The following SYT16 variants were observed in gnomAD, a reference collection of about 807,000 sequenced individuals.
SYT16 encodes the protein synaptotagmin 16.
In SYT16, 42 loss-of-function variants were observed where a neutral mutation model predicts 61.4. The observed-to-expected ratio is 0.68, with a 90% CI of 0.53 to 0.89. The LOEUF (loss-of-function observed/expected upper bound fraction) is 0.89, where lower values mean the gene tolerates loss of function less well. Among genes scored for constraint, SYT16 ranks in the 40% least tolerant of loss-of-function variants. SYT16 has a pLI of 0.00. For synonymous variants in SYT16, 314 were observed against 302.3 expected (o/e 1.04, Z -0.40); for missense variants, 804 against 807.3 (o/e 1.00, Z 0.05).
intron 1 of SYT16, among the ~76,000 whole-genome samples, chr14:61,880,759 G>A (rs1490378130): frequency 6.6e-6 from 1 of 151,508 alleles, no homozygotes; most frequent in Non-Finnish European, 1.5e-5. Context: ...TTTTTTTGTT[G>A]TGGTACTGTT....
At chr14:62,027,149 A>C (rs2054132572) in intron 3 of SYT16, among the ~76,000 whole-genome samples, 1 of 152,194 alleles carries the variant, frequency 6.6e-6, no homozygotes, top group Non-Finnish European at 1.5e-5. Context: ...TTCATTAAAA[A>C]TAGGTGGGAA....
rs373194317 is a variant in SYT16, at chr14:62,081,112, G to A, written c.1272G>A (p.Glu424=). 91 of 1,613,824 alleles carry A rather than the reference G, an allele frequency of 5.6e-5. No individual in the cohort carries two copies. Among genetic ancestry groups the A allele is most frequent in the Non-Finnish European group, 7.4e-5 (87 of 1,179,866 alleles). ...AGAAGGTCACCTTTGCCAAGCTGGA[G>A]CCCAGAGATGTGGCTGCCTGTGCTG... ...FREKVTFAKL[E]PRDVAACAVR... is the part of the protein sequence containing the mutation. The change falls in exon 6 of 8, where the codon GAG becomes GAA. Residue 424 remains glutamate (E), a synonymous_variant. Transcript: ENST00000683842.
At position 61,813,169 on chromosome 14, in the gene SYT16, C is replaced by A. The variant is rs575017915; in HGVS notation, c.-325+359C>A. 4.6e-5 allele frequency among the ~76,000 whole-genome samples: 7 copies of A among 152,384 alleles called. No homozygotes were observed. In the South Asian group the frequency reaches 1.4e-3, roughly 32 times the overall value. ...CTGCGCGTTTTTGGCGCTGTGAGTT[C>A]AAGGTTCGCCTCGAGTTCTGGGTCG... On this transcript the variant is annotated intron_variant, in intron 1 of 7. Transcript: ENST00000683842.
At chr14:61,866,436 C>T (rs2047157505) in intron 1 of SYT16, among the ~76,000 whole-genome samples, 2 of 152,074 alleles carry the variant, frequency 1.3e-5, no homozygotes, top group Admixed American at 1.3e-4. Flanking sequence ...TACTTGATAT[C>T]ATCAATTTAT....
chr14:61,994,882 C>T (rs894354949), intron 2 of SYT16, among the ~76,000 whole-genome samples: 3 of 152,150 alleles, frequency 2.0e-5, no homozygotes, highest in Admixed American at 6.6e-5. Flanking sequence ...ATATCACATG[C>T]AGTGGCTGAG....
intron 3 of SYT16, among the ~76,000 whole-genome samples, chr14:62,027,962 T>C (rs745938543): frequency 6.6e-6 from 1 of 152,214 alleles, no homozygotes; most frequent in African/African-American, 2.4e-5. Flanking sequence ...TGGGATTTGA[T>C]TCCTTGGGAA....
chr14:61,821,647 G>A (rs1372571238), intron 1 of SYT16, among the ~76,000 whole-genome samples: 1 of 152,188 alleles, frequency 6.6e-6, no homozygotes, highest in Admixed American at 6.5e-5. Context: ...CTTCATCAAA[G>A]CCAGCAAGGG....
In SYT16 at chr14:62,108,679, A is replaced by T. The variant is rs374461279; in HGVS notation, c.*7972A>T. ...ATGCAGCTGCAAATTCAATTTTGTG[A>T]AATACAAAGTCCTTTCCAGAATTTT... On this transcript the variant is annotated 3_prime_UTR_variant, in exon 8 of 8. Transcript: ENST00000683842. The T allele has an allele frequency of 2.0e-5, 3 of 152,184 alleles. No individual in the cohort carries two copies. The East Asian group carries it at 5.8e-4, about 29-fold the overall frequency. The allele number at this position is 152,184 out of a possible 1,614,324, so 9.4% of individuals were successfully genotyped here.
chr14:61,921,149 C>A (rs942358493), intron 1 of SYT16, among the ~76,000 whole-genome samples: 11 of 152,174 alleles, frequency 7.2e-5, no homozygotes, highest in South Asian at 2.1e-4. Context: ...ATCTTTGTTC[C>A]CTCAGCATCT....
chr14:61,895,017 C>T lies in SYT16; in HGVS notation c.-324-75115C>T, dbSNP rs150499513. Among the ~76,000 whole-genome samples the T allele has an allele frequency of 2.0e-3, 299 of 152,272 alleles. 2 individuals carry two copies. The highest frequency in any genetic ancestry group is 6.9e-3 in the African/African-American group (288 of 41,558). ...AATGACATTTGCTCCCTGCCAGCTG[C>T]CTCACTCCTCAGCTCTGCCCACTGC... On this transcript the variant is annotated intron_variant, in intron 1 of 7. Coordinates refer to ENST00000683842, the MANE Select transcript of SYT16 (RefSeq NM_001367656.1).
Position 62,075,277 on chromosome 14 carries a change from C to T in SYT16, c.879C>T (p.Val293=). 1 of 1,613,888 alleles carries T rather than the reference C, an allele frequency of 6.2e-7. No homozygotes were observed. Among genetic ancestry groups the T allele is most frequent in the South Asian group, 1.1e-5 (1 of 91,078 alleles). ...HGTSHQESSV[V]QSLRRQSTEG... ...CATCTCACCAAGAGTCCAGTGTGGT[C>T]CAAAGCCTCAGGCGCCAATCCACAG... The change falls in exon 5 of 8, where the codon GTC becomes GTT. Residue 293 remains valine, a synonymous_variant. Coordinates refer to ENST00000683842, the MANE Select transcript of SYT16 (RefSeq NM_001367656.1).
At chr14:61,821,025 C>G (rs952560425) in intron 1 of SYT16, among the ~76,000 whole-genome samples, 1 of 152,056 alleles carries the variant, frequency 6.6e-6, no homozygotes, top group Non-Finnish European at 1.5e-5. Flanking sequence ...GCTCTAACTC[C>G]CCATACCTGC....
At chr14:61,812,643 CGGGGCGGCGCGGCGCGGCGG>C (rs1465212264), upstream of SYT16, 1 of 146,214 alleles carries the variant, frequency 6.8e-6, no homozygotes, top group African/African-American at 2.5e-5. Flanking sequence ...CGGGGCGGCG[CGGGGCGGCGCGGCGCGGCGG>C]GGGCGCGCGG....
Position 62,100,664 on chromosome 14 carries a change from A to G in SYT16, c.1895A>G (p.Lys632Arg), listed in dbSNP as rs1388065408. ...QDHWEEMKET[K>R]GQQICRWHTL... ...CACTGGGAGGAGATGAAGGAAACCA[A>G]AGGCCAGCAGATCTGCAGATGGCAC... is the stretch of plus-strand genomic sequence containing the variant. Residue 632 changes from lysine (K) to arginine (R), a missense_variant, in exon 8 of 8, where the codon AAA (lysine) becomes AGA (arginine). Physicochemically the swap from Lys to Arg is conservative, Grantham distance 26 (BLOSUM62 2). Transcript: ENST00000683842. 6.2e-7 allele frequency: 1 copy of G among 1,613,850 alleles called. No individual in the cohort carries two copies. Among genetic ancestry groups the G allele is most frequent in the Admixed American group, 1.7e-5 (1 of 59,970 alleles).
intron 3 of SYT16, among the ~76,000 whole-genome samples, chr14:62,059,205 C>T (rs1387377416): frequency 2.0e-5 from 3 of 152,094 alleles, no homozygotes; most frequent in African/African-American, 7.2e-5. Flanking sequence ...AACCTGCACA[C>T]GTACCCCTGA....
At chr14:61,939,309 A>G (rs1022842309) in intron 1 of SYT16, among the ~76,000 whole-genome samples, 1 of 152,186 alleles carries the variant, frequency 6.6e-6, no homozygotes, top group Non-Finnish European at 1.5e-5. Context: ...CAGGAAGCAC[A>G]TGGTTGTTCA....
At chr14:61,882,161 A>G (rs1161242846) in intron 1 of SYT16, among the ~76,000 whole-genome samples, 1 of 152,206 alleles carries the variant, frequency 6.6e-6, no homozygotes, top group Non-Finnish European at 1.5e-5. Flanking sequence ...TCACCCTCAT[A>G]TGGCAGACAT....
At chr14:61,987,651 A>T (rs540658899) in intron 2 of SYT16, among the ~76,000 whole-genome samples, 1 of 152,162 alleles carries the variant, frequency 6.6e-6, no homozygotes, top group African/African-American at 2.4e-5. Context: ...TAACCCGATG[A>T]TAACTGTGCA....
chr14:61,865,173 AG>A, intron 1 of SYT16: 1 of 1,203,636 alleles, frequency 8.3e-7, no homozygotes, highest in South Asian at 1.2e-5. Flanking sequence ...CTGGGCCCAG[AG>A]GATCGTGTTT....
Sources: allele counts gnomAD v4.1 joint callset (sites outside exome capture counted in the v4.1 genomes callset), GRCh38; gene constraint gnomAD v4.1.1; transcripts MANE v1.5; gene names NCBI Gene and HGNC (gene_info 2026-07-23, HGNC 2026-07-21).